Variants in ADAMTS20 observed in about 807,000 individuals in gnomAD.
ADAMTS20 encodes A disintegrin and metalloproteinase with thrombospondin motifs 20.
A neutral mutation model predicts 260.1 loss-of-function variants in ADAMTS20; 225 were observed. The observed-to-expected ratio is 0.87, with a 90% confidence interval of 0.78 to 0.97. ADAMTS20 has a LOEUF of 0.97. Ranked by LOEUF, ADAMTS20 falls within the 50% of genes least tolerant of loss-of-function variation. The pLI is 0.00. For missense variants in ADAMTS20, 2,400 were observed against 2,337.7 expected, an observed-to-expected ratio of 1.03 and a Z score of -0.55; for synonymous variants, 802 against 769.5, an observed-to-expected ratio of 1.04 and a Z score of -0.70.
At chr12:43,470,973 C>T (rs371248323) in intron 7 of ADAMTS20, among the ~76,000 whole-genome samples, 4 of 152,236 alleles carry the variant, frequency 2.6e-5, no homozygotes, top group East Asian at 3.9e-4. Context: ...CCTTAACTAT[C>T]GGGGAGGAGC....
intron 37 of ADAMTS20, 93 bp downstream of exon 37, chr12:43,369,197 G>A (rs1940049803): frequency 1.4e-6 from 1 of 701,234 alleles, no homozygotes; most frequent in Non-Finnish European, 2.1e-6. Flanking sequence ...ATTTACTTAT[G>A]TTTCTTGCAA....
intron 31 of ADAMTS20, among the ~76,000 whole-genome samples, chr12:43,381,041 T>C (rs1604338): frequency 0.4 from 60,110 of 151,986 alleles, 13,359 homozygotes; most frequent in East Asian, 0.89. Flanking sequence ...GATAGGCATA[T>C]AGATCAAGAA....
At chr12:43,455,972 T>G (rs1941957957) in intron 11 of ADAMTS20, among the ~76,000 whole-genome samples, 1 of 152,218 alleles carries the variant, frequency 6.6e-6, no homozygotes, top group Non-Finnish European at 1.5e-5. Context: ...AATGCTGCTA[T>G]GAGTATGAGT....
At chr12:43,423,048 AATTATTTGT>A (rs1325325481) in intron 28 of ADAMTS20, 1 of 152,100 alleles carries the variant, frequency 6.6e-6, no homozygotes, top group Non-Finnish European at 1.5e-5. Flanking sequence ...ACCTGGAATG[AATTATTTGT>A]AATTTTAATA....
chr12:43,468,619 C>CTATA lies in ADAMTS20; in HGVS notation c.1200_1203dup (p.Ala402TyrfsTer4). 1.2e-6 allele frequency: 2 copies of CTATA among 1,608,168 alleles called. No homozygotes were observed. The highest frequency in any genetic ancestry group is 2.2e-5 in the South Asian group (2 of 90,376). Reference sequence around the variant, plus strand: ...ACTTACGTGTGCCCAAGCTCATGGGCTATAGTAAAAGCAGAAATGAGTCCT... The same window carrying CTATA: ...ACTTACGTGTGCCCAAGCTCATGGGCTATATATAGTAAAAGCAGAAATGAGTCCT... On this transcript the variant is annotated frameshift_variant, in exon 8 of 39. Transcript: ENST00000389420. LOFTEE classifies it high-confidence loss of function.
intron 3 of ADAMTS20, among the ~76,000 whole-genome samples, chr12:43,514,595 A>T (rs1161122968): frequency 1.8e-5 from 2 of 109,484 alleles, no homozygotes; most frequent in African/African-American, 3.3e-5. Flanking sequence ...AAAAAAAAAA[A>T]AAAAGCATTC....
Position 43,464,736 on chromosome 12 carries a change from T to C in ADAMTS20, c.1368-4A>G, listed in dbSNP as rs780556280. 3 of 1,605,864 alleles carry C rather than the reference T, an allele frequency of 1.9e-6. No homozygotes were observed. Among genetic ancestry groups the C allele is most frequent in the East Asian group, 4.5e-5 (2 of 44,772 alleles). On this transcript the variant is annotated splice_region_variant and splice_polypyrimidine_tract_variant and intron_variant, in intron 9 of 38. Transcript: ENST00000389420. ...AAGACATTCCCCGTAACCAGTACTG[T>C]AACAGTGACAGAAAATAAAATATTG...
At chr12:43,514,243 T>A (rs1010542141) in intron 3 of ADAMTS20, among the ~76,000 whole-genome samples, 1 of 151,798 alleles carries the variant, frequency 6.6e-6, no homozygotes, top group Admixed American at 6.5e-5. Flanking sequence ...TGAGCCCCCA[T>A]GCCTGGCCTC....
intron 27 of ADAMTS20, 108 bp downstream of exon 27, chr12:43,427,200 T>C: frequency 1.3e-5 from 17 of 1,271,592 alleles, no homozygotes; most frequent in Non-Finnish European, 3.1e-6. Context: ...AAAATTCTTT[T>C]TCTACATAGT....
At chr12:43,435,641 T>TAAA (rs35112845) in intron 18 of ADAMTS20, among the ~76,000 whole-genome samples, 3 of 84,616 alleles carry the variant, frequency 3.5e-5, no homozygotes, top group Admixed American at 1.4e-4. Context: ...ACTCCATTTC[T>TAAA]AAAAAAAAAA....
chr12:43,358,836 C>CA (rs151206551), intron 37 of ADAMTS20, among the ~76,000 whole-genome samples: 19,122 of 60,674 alleles, frequency 0.32, 2,519 homozygotes, highest in African/African-American at 0.42. Context: ...AACTCCGTCT[C>CA]AAAAAAAAAA....
At chr12:43,406,099 A>T (rs1454255782) in intron 28 of ADAMTS20, among the ~76,000 whole-genome samples, 1 of 152,216 alleles carries the variant, frequency 6.6e-6, no homozygotes, top group African/African-American at 2.4e-5. Flanking sequence ...CATCAAGATA[A>T]GTGCAACTTC....
chr12:43,422,843 A>G (rs1941261550), intron 28 of ADAMTS20: 1 of 152,064 alleles, frequency 6.6e-6, no homozygotes, highest in African/African-American at 2.4e-5. Context: ...TCATCTATAC[A>G]GAGGACTTTA....
intron 31 of ADAMTS20, among the ~76,000 whole-genome samples, chr12:43,378,589 A>G (rs1419735063): frequency 1.3e-5 from 2 of 152,258 alleles, no homozygotes. Flanking sequence ...CTGTTCTCCA[A>G]CAAAATTAAT....
intron 37 of ADAMTS20, among the ~76,000 whole-genome samples, chr12:43,360,521 C>A (rs1178777139): frequency 6.6e-6 from 1 of 151,916 alleles, no homozygotes; most frequent in Non-Finnish European, 1.5e-5. Context: ...GTAGGGGTAG[C>A]AATGTTGATA....
chr12:43,523,433 G>A (rs940286773), intron 3 of ADAMTS20, among the ~76,000 whole-genome samples: 6 of 151,904 alleles, frequency 3.9e-5, no homozygotes, highest in African/African-American at 1.2e-4. Context: ...CTCAAGTGGG[G>A]AAGAACTCCC....
intron 28 of ADAMTS20, among the ~76,000 whole-genome samples, chr12:43,409,340 C>T (rs139834585): frequency 0.02 from 3,092 of 151,834 alleles, 74 homozygotes; most frequent in African/African-American, 0.058. Flanking sequence ...CGGTGGCTCA[C>T]GCCTGTAATC....
At chr12:43,386,573 A>G (rs1367364126) in intron 29 of ADAMTS20, among the ~76,000 whole-genome samples, 1 of 152,202 alleles carries the variant, frequency 6.6e-6, no homozygotes, top group African/African-American at 2.4e-5. Context: ...AATATACTAA[A>G]GAGTGCTTTC....
intron 29 of ADAMTS20, among the ~76,000 whole-genome samples, chr12:43,397,500 G>A (rs1300950142): frequency 6.6e-6 from 1 of 152,166 alleles, no homozygotes; most frequent in African/African-American, 2.4e-5. Flanking sequence ...ACCGGGGTGT[G>A]TGCAATGGAG....
Sources: gnomAD v4.1 joint callset for allele counts (sites outside exome capture counted in the v4.1 genomes callset) on GRCh38, gnomAD v4.1.1 for gene constraint, MANE v1.5 for transcripts, NCBI Gene and HGNC (gene_info 2026-07-23, HGNC 2026-07-21) for gene names.